RERG: variants seen among roughly 807,000 people sequenced by gnomAD.
RERG encodes ras-related and estrogen-regulated growth inhibitor.
RERG carries 25 observed loss-of-function variants against 23.2 expected under a neutral mutation model. The ratio of observed to expected loss-of-function variants is 1.08; its 90% CI spans 0.79 to 1.50. The LOEUF (loss-of-function observed/expected upper bound fraction) is 1.50, where lower values mean the gene tolerates loss of function less well. Among genes scored for constraint, RERG ranks in the 40% most tolerant of loss-of-function variants. RERG has a pLI of 0.00. For missense variants in RERG, 253 were observed against 250.1 expected, an observed-to-expected ratio of 1.01 and a Z score of -0.08; for synonymous variants, 81 against 89.1, an observed-to-expected ratio of 0.91 and a Z score of 0.51.
intron 2 of RERG, among the ~76,000 whole-genome samples, chr12:15,175,413 C>T (rs1299672516): frequency 2.8e-5 from 4 of 143,226 alleles, no homozygotes; most frequent in Non-Finnish European, 6.0e-5. Context: ...CATGTTCAGG[C>T]AGCCAGTTTA....
At chr12:15,177,139 A>C (rs1221732279) in intron 2 of RERG, among the ~76,000 whole-genome samples, 1 of 152,198 alleles carries the variant, frequency 6.6e-6, no homozygotes, top group Non-Finnish European at 1.5e-5. Flanking sequence ...TGGCATGATA[A>C]GTTCTAGTTT....
At chr12:15,189,680 G>A (rs1221304338) in intron 2 of RERG, among the ~76,000 whole-genome samples, 2 of 152,086 alleles carry the variant, frequency 1.3e-5, no homozygotes, top group Non-Finnish European at 2.9e-5. Flanking sequence ...CTTACATATA[G>A]TAGGTGGTAA....
At chr12:15,199,887 G>A (rs920249630) in intron 2 of RERG, among the ~76,000 whole-genome samples, 7 of 151,918 alleles carry the variant, frequency 4.6e-5, no homozygotes, top group Middle Eastern at 3.2e-3. Flanking sequence ...CTTTTAGTAC[G>A]TTTGCATTTG....
intron 3 of RERG, among the ~76,000 whole-genome samples, chr12:15,115,068 A>G (rs1863694913): frequency 6.6e-6 from 1 of 152,120 alleles, no homozygotes; most frequent in Non-Finnish European, 1.5e-5. Context: ...GATCTTAAAA[A>G]TACCAGATTT....
At chr12:15,124,483 T>C (rs2136090919) in intron 2 of RERG, among the ~76,000 whole-genome samples, 1 of 152,232 alleles carries the variant, frequency 6.6e-6, no homozygotes, top group South Asian at 2.1e-4. Flanking sequence ...AACTTTCAAA[T>C]GCTACCTTTC....
intron 2 of RERG, among the ~76,000 whole-genome samples, chr12:15,211,517 G>A (rs528691078): frequency 9.9e-5 from 15 of 152,242 alleles, no homozygotes; most frequent in African/African-American, 3.4e-4. Flanking sequence ...AGTGGTTAAC[G>A]TCACTGGGAG....
At chr12:15,216,473 A>T (rs1427774546) in intron 2 of RERG, among the ~76,000 whole-genome samples, 1 of 152,196 alleles carries the variant, frequency 6.6e-6, no homozygotes, top group Non-Finnish European at 1.5e-5. Flanking sequence ...TTAAAAAGCA[A>T]TTATGTGTAT....
At chr12:15,153,958 A>C (rs1319075794) in intron 2 of RERG, among the ~76,000 whole-genome samples, 1 of 152,188 alleles carries the variant, frequency 6.6e-6, no homozygotes, top group African/African-American at 2.4e-5. Flanking sequence ...AGACACACAC[A>C]GAGAGATGAT....
intron 2 of RERG, among the ~76,000 whole-genome samples, chr12:15,206,851 G>A (rs1865298112): frequency 6.6e-6 from 1 of 152,082 alleles, no homozygotes; most frequent in African/African-American, 2.4e-5. Context: ...GCCAATAATG[G>A]TTGATCACTG....
chr12:15,136,492 T>C (rs1044371547), intron 2 of RERG, among the ~76,000 whole-genome samples: 1 of 152,062 alleles, frequency 6.6e-6, no homozygotes, highest in Admixed American at 6.6e-5. Context: ...GAAGCTTATT[T>C]TATTGATTTT....
intron 2 of RERG, among the ~76,000 whole-genome samples, chr12:15,142,999 T>C (rs2136103077): frequency 6.6e-6 from 1 of 152,244 alleles, no homozygotes; most frequent in Middle Eastern, 3.4e-3. Context: ...ACAAAAAGAA[T>C]AAAAGTGACT....
chr12:15,114,200 T>C (rs1863676715), intron 3 of RERG, among the ~76,000 whole-genome samples: 1 of 151,566 alleles, frequency 6.6e-6, no homozygotes, highest in African/African-American at 2.4e-5. Flanking sequence ...TTAAAAAAAT[T>C]AAAAGTAAGA....
chr12:15,138,566 T>C (rs1366823468), intron 2 of RERG, among the ~76,000 whole-genome samples: 1 of 152,062 alleles, frequency 6.6e-6, no homozygotes, highest in African/African-American at 2.4e-5. Context: ...TCTTAGAATT[T>C]CTATTTACAT....
chr12:15,130,561 T>G (rs1451515452), intron 2 of RERG, among the ~76,000 whole-genome samples: 2 of 151,372 alleles, frequency 1.3e-5, no homozygotes, highest in Non-Finnish European at 2.9e-5. Flanking sequence ...AAATTGACAT[T>G]GAAAAAAAAA....
At chr12:15,212,244 A>G (rs1865378501) in intron 2 of RERG, among the ~76,000 whole-genome samples, 1 of 148,608 alleles carries the variant, frequency 6.7e-6, no homozygotes, top group South Asian at 2.2e-4. Context: ...TATTTTTAGT[A>G]GAGACGGGGT....
intron 2 of RERG, among the ~76,000 whole-genome samples, chr12:15,148,378 C>G (rs564910357): frequency 5.3e-5 from 8 of 151,898 alleles, no homozygotes; most frequent in Admixed American, 1.3e-4. Flanking sequence ...AAAGAAGGTG[C>G]GAATAAAGAA....
intron 2 of RERG, among the ~76,000 whole-genome samples, chr12:15,145,926 C>T (rs755956462): frequency 3.3e-5 from 5 of 152,166 alleles, no homozygotes; most frequent in South Asian, 2.1e-4. Flanking sequence ...TCCATGCCTA[C>T]GGTGGTTGAT....
intron 3 of RERG, among the ~76,000 whole-genome samples, chr12:15,116,780 G>C (rs1222093621): frequency 6.6e-6 from 1 of 152,064 alleles, no homozygotes; most frequent in African/African-American, 2.4e-5. Context: ...TTTGAAATTA[G>C]ACTCCACTAT....
rs548174806 is a variant in RERG, at chr12:15,130,562, GA to G, written c.62-9444del. On this transcript the variant is annotated intron_variant, in intron 2 of 4. Transcript: ENST00000256953. ...GTGAAGGTCAAAATAAATTGACATT[GA>G]AAAAAAAAACCATTTGGCTTTATAA... Among the ~76,000 whole-genome samples the G allele has an allele frequency of 2.4e-3, 350 of 144,578 alleles. 3 individuals carry two copies. The highest frequency in any genetic ancestry group is 7.3e-3 in the African/African-American group (288 of 39,398). The allele number at this position is 144,578 out of a possible 152,430, so 94.8% of individuals were successfully genotyped here. A position where few individuals can be genotyped will look rare whatever the true frequency, so the allele number is the denominator to read the frequency against.
Sources: allele counts gnomAD v4.1 joint callset (sites outside exome capture counted in the v4.1 genomes callset), GRCh38; gene constraint gnomAD v4.1.1; transcripts MANE v1.5; gene names NCBI Gene and HGNC (gene_info 2026-07-23, HGNC 2026-07-21).